Variants in PDE11A observed in about 807,000 individuals in gnomAD.
PDE11A encodes dual 3',5'-cyclic-AMP and -GMP phosphodiesterase 11A.
A neutral mutation model predicts 100.5 loss-of-function variants in PDE11A; 100 were observed. That is an observed-to-expected ratio of 1.00 (90% CI 0.85 to 1.18). The LOEUF is 1.18. Among genes scored for constraint, PDE11A ranks in the 50% most tolerant of loss-of-function variants. PDE11A has a pLI of 0.00. For missense variants in PDE11A, 1,141 were observed against 1,152.6 expected, an observed-to-expected ratio of 0.99 and a Z score of 0.15; for synonymous variants, 381 against 420.8, an observed-to-expected ratio of 0.91 and a Z score of 1.16.
At position 177,835,036 on chromosome 2, in the gene PDE11A, C is replaced by G. The variant is rs547622090; in HGVS notation, c.1500+5215G>C. 9.4e-4 allele frequency among the ~76,000 whole-genome samples: 143 copies of G among 152,172 alleles called. 2 individuals carry two copies. Among genetic ancestry groups the G allele is most frequent in the Middle Eastern group, 6.8e-3 (2 of 294 alleles). ...GGTCTAAGGAACGCAAAGGTTATGA[C>G]AACAGTGGAGACAGGGTGTATGTGG... On this transcript the variant is annotated intron_variant, in intron 6 of 19. Coordinates refer to ENST00000286063, the MANE Select transcript of PDE11A (RefSeq NM_016953.4).
At chr2:178,095,184 G>T (rs1359716785) in intron 2 of PDE11A, among the ~76,000 whole-genome samples, 2 of 152,146 alleles carry the variant, frequency 1.3e-5, no homozygotes, top group East Asian at 3.9e-4. Context: ...GAGATAAGGT[G>T]AGTCCCTTCC....
chr2:177,840,185 G>GTTTCAACTGT, intron 6 of PDE11A, 66 bp downstream of exon 6: 2 of 1,516,226 alleles, frequency 1.3e-6, no homozygotes. Flanking sequence ...TCCTTTTTGT[G>GTTTCAACTGT]TTTCAACTGT....
At chr2:177,710,704 T>C (rs543847907) in intron 13 of PDE11A, among the ~76,000 whole-genome samples, 107 of 152,220 alleles carry the variant, frequency 7.0e-4, no homozygotes, top group South Asian at 2.1e-3. Context: ...AGGATACAGA[T>C]TGGACAGAGG....
At chr2:177,688,795 AT>A (rs2080996113) in intron 15 of PDE11A, among the ~76,000 whole-genome samples, 3 of 152,242 alleles carry the variant, frequency 2.0e-5, no homozygotes, top group Admixed American at 2.0e-4. Context: ...ACCTTCAAAA[AT>A]AATTCTAAAG....
intron 16 of PDE11A, among the ~76,000 whole-genome samples, chr2:177,677,274 G>A (rs978877036): frequency 4.6e-5 from 7 of 152,144 alleles, no homozygotes; most frequent in African/African-American, 1.7e-4. Flanking sequence ...TCTATATGTG[G>A]TAGTGATACT....
At chr2:177,943,153 G>A (rs2085364475) in intron 2 of PDE11A, among the ~76,000 whole-genome samples, 1 of 152,116 alleles carries the variant, frequency 6.6e-6, no homozygotes, top group Non-Finnish European at 1.5e-5. Flanking sequence ...TCTACCTCTT[G>A]GCTATTGTGA....
chr2:177,819,860 T>TTCTCTTTCCCTCTC (rs60572849), intron 7 of PDE11A, among the ~76,000 whole-genome samples: 1 of 102,184 alleles, frequency 9.8e-6, no homozygotes, highest in African/African-American at 3.8e-5. Context: ...CTTTCTCTCT[T>TTCTCTTTCCCTCTC]TCTCTCTTTC....
chr2:177,784,259 G>C (rs900298176), intron 9 of PDE11A, among the ~76,000 whole-genome samples: 8 of 95,700 alleles, frequency 8.4e-5, no homozygotes, highest in African/African-American at 3.0e-4. Context: ...CCAAAACCAA[G>C]ATGGCTATGA....
chr2:177,661,742 T>A (rs572645011), intron 19 of PDE11A, among the ~76,000 whole-genome samples: 1 of 152,334 alleles, frequency 6.6e-6, no homozygotes, highest in East Asian at 1.9e-4. Context: ...AATGAAAAGA[T>A]ACAGCAGCAA....
At chr2:177,727,859 G>T in intron 11 of PDE11A, 94 bp from the exon 12 acceptor site, 1 of 981,858 alleles carries the variant, frequency 1.0e-6, no homozygotes, top group South Asian at 1.3e-5. Flanking sequence ...AACCCTCAGT[G>T]ATCAAAGGCC....
At chr2:177,901,609 G>A (rs1258105918) in intron 3 of PDE11A, among the ~76,000 whole-genome samples, 1 of 152,060 alleles carries the variant, frequency 6.6e-6, no homozygotes, top group African/African-American at 2.4e-5. Flanking sequence ...AACATCAAAA[G>A]GTGAAAAAAC....
At chr2:177,653,800 C>A (rs984929897) in intron 19 of PDE11A, among the ~76,000 whole-genome samples, 3 of 152,186 alleles carry the variant, frequency 2.0e-5, no homozygotes, top group African/African-American at 7.2e-5. Context: ...AAATACATTT[C>A]TGTTATTTTA....
chr2:178,066,053 C>G (rs1559060211), intron 1 of PDE11A, among the ~76,000 whole-genome samples: 1 of 151,994 alleles, frequency 6.6e-6, no homozygotes, highest in Non-Finnish European at 1.5e-5. Context: ...CTCCTCTCTT[C>G]AAGGATAAGG....
intron 3 of PDE11A, among the ~76,000 whole-genome samples, chr2:177,901,415 T>C (rs1265482067): frequency 6.6e-6 from 1 of 152,124 alleles, no homozygotes; most frequent in Non-Finnish European, 1.5e-5. Flanking sequence ...ATAATAAAAC[T>C]CCGGTGTCTG....
chr2:177,983,414 T>G (rs1434080701), intron 2 of PDE11A, among the ~76,000 whole-genome samples: 3 of 152,194 alleles, frequency 2.0e-5, no homozygotes, highest in African/African-American at 7.2e-5. Context: ...GGGCTACTGA[T>G]GCACCTTTTA....
chr2:177,807,370 A>G (rs1485118791), intron 9 of PDE11A, among the ~76,000 whole-genome samples: 3 of 152,174 alleles, frequency 2.0e-5, no homozygotes, highest in Admixed American at 1.3e-4. Flanking sequence ...TACATTTTCT[A>G]TAACAATTGC....
chr2:177,738,146 A>G (rs77087516), intron 10 of PDE11A, among the ~76,000 whole-genome samples: 1 of 144,984 alleles, frequency 6.9e-6, no homozygotes, highest in Non-Finnish European at 1.5e-5. Context: ...TCCATTTTTT[A>G]TACATCAGTG....
intron 2 of PDE11A, among the ~76,000 whole-genome samples, chr2:177,984,453 C>T (rs1193722723): frequency 6.6e-6 from 1 of 152,118 alleles, no homozygotes; most frequent in Non-Finnish European, 1.5e-5. Context: ...ATATCTGTGC[C>T]TCCTTGGAGC....
intron 1 of PDE11A, among the ~76,000 whole-genome samples, chr2:178,038,562 G>A (rs182685346): frequency 8.6e-5 from 13 of 152,020 alleles, no homozygotes; most frequent in African/African-American, 1.2e-4. Flanking sequence ...AATTCAATAG[G>A]AAAAAATGGG....
Sources: gnomAD v4.1 joint callset for allele counts (sites outside exome capture counted in the v4.1 genomes callset) on GRCh38, gnomAD v4.1.1 for gene constraint, MANE v1.5 for transcripts, NCBI Gene and HGNC (gene_info 2026-07-23, HGNC 2026-07-21) for gene names.